The following ANKRD18B variants were observed in gnomAD, a reference collection of about 807,000 sequenced individuals.
ANKRD18B encodes ankyrin repeat domain-containing protein 18B.
Under a neutral mutation model 111.8 loss-of-function variants are expected in ANKRD18B, and 75 were observed. That is an observed-to-expected ratio of 0.67 (90% CI 0.56 to 0.81). ANKRD18B has a LOEUF of 0.81. Ranked by LOEUF, ANKRD18B falls within the 40% of genes least tolerant of loss-of-function variation. ANKRD18B has a pLI of 0.00. For synonymous variants in ANKRD18B, 356 were observed against 417.3 expected, an observed-to-expected ratio of 0.85 and a Z score of 1.79; for missense variants, 1,038 against 1,225.5, an observed-to-expected ratio of 0.85 and a Z score of 2.28.
chr9:33,545,707 G>A (rs1458271438), intron 10 of ANKRD18B, among the ~76,000 whole-genome samples: 1 of 152,160 alleles, frequency 6.6e-6, no homozygotes, highest in Non-Finnish European at 1.5e-5. Flanking sequence ...AAGACTTACA[G>A]CAAGATATGC....
chr9:33,566,119 T>C, intron 14 of ANKRD18B, 100 bp from the exon 15 acceptor site: 1 of 1,064,216 alleles, frequency 9.4e-7, no homozygotes, highest in Non-Finnish European at 1.4e-6. Context: ...ATAGATAACA[T>C]TTTATTGCAA....
intron 1 of ANKRD18B, among the ~76,000 whole-genome samples, chr9:33,525,231 T>G (rs924003035): frequency 1.3e-5 from 2 of 152,208 alleles, no homozygotes; most frequent in African/African-American, 2.4e-5. Flanking sequence ...GTCTTACCAT[T>G]GTGATGACAT....
intron 14 of ANKRD18B, among the ~76,000 whole-genome samples, chr9:33,559,917 A>G (rs1371599505): frequency 6.6e-6 from 1 of 152,192 alleles, no homozygotes; most frequent in African/African-American, 2.4e-5. Context: ...CACTTTCATC[A>G]CCTTAAAAAC....
At chr9:33,545,025 G>C (rs1828333825) in intron 10 of ANKRD18B, among the ~76,000 whole-genome samples, 1 of 152,170 alleles carries the variant, frequency 6.6e-6, no homozygotes, top group South Asian at 2.1e-4. Flanking sequence ...CACCTGGAGT[G>C]TCTAACTCTG....
intron 1 of ANKRD18B, among the ~76,000 whole-genome samples, chr9:33,525,475 T>G (rs1307145682): frequency 3.9e-5 from 6 of 152,134 alleles, no homozygotes; most frequent in Admixed American, 1.3e-4. Flanking sequence ...GCCTGCTGTG[T>G]GAAGAAAACT....
At chr9:33,573,701 A>AGGGG (rs1554649272), downstream of ANKRD18B, among the ~76,000 whole-genome samples, 6 of 143,686 alleles carry the variant, frequency 4.2e-5, no homozygotes, top group African/African-American at 7.4e-5. Context: ...GCAGGGAGGG[A>AGGGG]GGGTCTGTGG....
At chr9:33,542,479 C>A (rs1003107751) in intron 9 of ANKRD18B, among the ~76,000 whole-genome samples, 1 of 151,140 alleles carries the variant, frequency 6.6e-6, no homozygotes, top group African/African-American at 2.4e-5. Context: ...AACTCCTGGG[C>A]TTAAGGGATC....
chr9:33,539,762 G>A (rs573889751), intron 7 of ANKRD18B, among the ~76,000 whole-genome samples: 5 of 151,980 alleles, frequency 3.3e-5, no homozygotes, highest in African/African-American at 1.2e-4. Context: ...AAACTTCTGA[G>A]GTAGAATGCT....
chr9:33,561,027 T>C (rs1828599685), intron 14 of ANKRD18B, among the ~76,000 whole-genome samples: 1 of 152,182 alleles, frequency 6.6e-6, no homozygotes, highest in Admixed American at 6.5e-5. Flanking sequence ...CTTGCATATG[T>C]TTTTATTTTT....
At chr9:33,530,520 A>G (rs1162566678) in intron 3 of ANKRD18B, among the ~76,000 whole-genome samples, 1 of 121,232 alleles carries the variant, frequency 8.2e-6, no homozygotes, top group East Asian at 2.4e-4. Context: ...TCTTACCACA[A>G]CAAGAGCAAA....
intron 12 of ANKRD18B, among the ~76,000 whole-genome samples, chr9:33,551,171 T>C (rs1054610983): frequency 6.6e-6 from 1 of 152,230 alleles, no homozygotes; most frequent in Non-Finnish European, 1.5e-5. Flanking sequence ...TAATAGAGTA[T>C]GTACATCCAA....
In ANKRD18B at chr9:33,568,652, G is replaced by A. The variant is rs570065556; in HGVS notation, c.2955-19G>A. The A allele has an allele frequency of 9.6e-5, 144 of 1,499,610 alleles. No individual in the cohort carries two copies. In the Admixed American group the frequency reaches 1.4e-3, roughly 14 times the overall value. 92.9% of individuals were successfully genotyped at this position (1,499,610 alleles called of 1,614,324 possible). A position where few individuals can be genotyped will look rare whatever the true frequency, so the allele number is the denominator to read the frequency against. On this transcript the variant is annotated intron_variant, in intron 16 of 18. Transcript: ENST00000684830. ...AGGTAAAATGAAATACTAAGCATTT[G>A]TCTTTGCTCTCTTTACAGATCGGAT... is the stretch of plus-strand genomic sequence containing the variant.
At chr9:33,563,291 G>A (rs1223826926) in intron 14 of ANKRD18B, among the ~76,000 whole-genome samples, 1 of 152,168 alleles carries the variant, frequency 6.6e-6, no homozygotes, top group African/African-American at 2.4e-5. Context: ...TCATGAACCT[G>A]TGGTTTGGAA....
intron 9 of ANKRD18B, among the ~76,000 whole-genome samples, chr9:33,542,436 G>A (rs1400885988): frequency 6.6e-6 from 1 of 150,782 alleles, no homozygotes; most frequent in Non-Finnish European, 1.5e-5. Flanking sequence ...AGGGTGGAGT[G>A]CAATGGCATG....
intron 14 of ANKRD18B, 83 bp from the exon 15 acceptor site, chr9:33,566,136 G>T (rs1828679224): frequency 8.4e-7 from 1 of 1,188,348 alleles, no homozygotes; most frequent in East Asian, 2.6e-5. Flanking sequence ...GCAAGTGGAT[G>T]CATTTCAAAA....
rs371321986 is a variant in ANKRD18B, at chr9:33,554,924, A to G, written c.2218-784A>G. Among the ~76,000 whole-genome samples the G allele has an allele frequency of 2.6e-5, 4 of 151,544 alleles. No individual in the cohort carries two copies. In the East Asian group the frequency reaches 5.8e-4, roughly 22 times the overall value. Reference sequence around the variant, plus strand: ...TGTGACAGGTTCATAACTTAGGATTACACATGACCTTTGCCAAGCAACCCA... The same window carrying G: ...TGTGACAGGTTCATAACTTAGGATTGCACATGACCTTTGCCAAGCAACCCA... On this transcript the variant is annotated intron_variant, in intron 12 of 18. Transcript: ENST00000684830.
chr9:33,573,024 G>C, downstream of ANKRD18B: 1 of 449,928 alleles, frequency 2.2e-6, no homozygotes, highest in Non-Finnish European at 3.3e-6. Context: ...TGATTCTGGT[G>C]CTCCAGTTCC....
chr9:33,545,796 T>G lies in ANKRD18B; in HGVS notation c.1150-2142T>G, dbSNP rs1325519511. 2.0e-5 allele frequency among the ~76,000 whole-genome samples: 3 copies of G among 151,992 alleles called. No homozygotes were observed. The East Asian group carries it at 5.8e-4, about 29-fold the overall frequency. On this transcript the variant is annotated intron_variant, in intron 10 of 18. Coordinates refer to ENST00000684830, the MANE Select transcript of ANKRD18B (RefSeq NM_001393611.1). ...AAAAAAAGTTCAACTATAAAAGAGG[T>G]TCCCTTGCTGCTTCTCTTTTTATAA...
At chr9:33,565,052 T>G (rs1160862138) in intron 14 of ANKRD18B, among the ~76,000 whole-genome samples, 4 of 152,228 alleles carry the variant, frequency 2.6e-5, no homozygotes, top group Admixed American at 6.5e-5. Context: ...ATTTGTTTGT[T>G]GCCTATGCTT....
Sources: allele counts gnomAD v4.1 joint callset (sites outside exome capture counted in the v4.1 genomes callset), GRCh38; gene constraint gnomAD v4.1.1; transcripts MANE v1.5; gene names NCBI Gene and HGNC (gene_info 2026-07-23, HGNC 2026-07-21).